The following BASP1 variants were observed in gnomAD, a reference collection of about 807,000 sequenced individuals.
BASP1 encodes brain abundant membrane attached signal protein 1.
A neutral mutation model predicts 2.2 loss-of-function variants in BASP1; 1 was observed. That is an observed-to-expected ratio of 0.46 (90% confidence interval 0.16 to 2.17). The LOEUF (loss-of-function observed/expected upper bound fraction) is 2.17. BASP1 is among the 30% of genes most tolerant of loss of function. BASP1 has a pLI of 0.27. For synonymous variants in BASP1, 187 were observed against 154.2 expected, an observed-to-expected ratio of 1.21 and a Z score of -1.58; for missense variants, 352 against 327.2, an observed-to-expected ratio of 1.08 and a Z score of -0.58.
intron 1 of BASP1, among the ~76,000 whole-genome samples, chr5:17,270,064 G>A (rs565168651): frequency 2.0e-5 from 3 of 152,210 alleles, no homozygotes; most frequent in African/African-American, 7.2e-5. Context: ...GCAATTGTGC[G>A]ATCTCGGCTC....
At chr5:17,256,282 G>C (rs867059504) in intron 1 of BASP1, among the ~76,000 whole-genome samples, 4 of 152,190 alleles carry the variant, frequency 2.6e-5, no homozygotes, top group Non-Finnish European at 2.9e-5. Context: ...TGTTAAAATT[G>C]TTTAAGGCCA....
intron 1 of BASP1, among the ~76,000 whole-genome samples, chr5:17,270,650 C>G (rs1160340565): frequency 6.6e-6 from 1 of 152,124 alleles, no homozygotes; most frequent in African/African-American, 2.4e-5. Flanking sequence ...CTTCAGATTC[C>G]TGATTCTAGA....
At chr5:17,266,174 G>A (rs1301369680) in intron 1 of BASP1, among the ~76,000 whole-genome samples, 1 of 152,198 alleles carries the variant, frequency 6.6e-6, no homozygotes, top group Non-Finnish European at 1.5e-5. Context: ...TTTCACCCTG[G>A]TGTGTCTCTG....
At chr5:17,223,135 A>G (rs947137597) in intron 1 of BASP1, among the ~76,000 whole-genome samples, 1 of 151,852 alleles carries the variant, frequency 6.6e-6, no homozygotes, top group African/African-American at 2.4e-5. Flanking sequence ...TGTAGGGAGT[A>G]TAATATTTAG....
At chr5:17,220,609 T>C (rs1465362673) in intron 1 of BASP1, among the ~76,000 whole-genome samples, 1 of 152,322 alleles carries the variant, frequency 6.6e-6, no homozygotes, top group East Asian at 1.9e-4. Flanking sequence ...CAGTGGCATT[T>C]CTGTTCTTTA....
At chr5:17,233,810 T>TATCATATCATATCATATCAA (rs1739683555) in intron 1 of BASP1, among the ~76,000 whole-genome samples, 1 of 151,856 alleles carries the variant, frequency 6.6e-6, no homozygotes, top group Admixed American at 6.6e-5. Flanking sequence ...CTAGTGATGG[T>TATCATATCATATCATATCAA]GATGGTGTCA....
intron 1 of BASP1, among the ~76,000 whole-genome samples, chr5:17,274,830 A>G (rs1159809188): frequency 6.6e-6 from 1 of 152,196 alleles, no homozygotes; most frequent in East Asian, 1.9e-4. Context: ...TCTTTTTAAA[A>G]TTTTTAACTT....
In BASP1 at chr5:17,233,867, G is replaced by A. The variant is rs1226468863; in HGVS notation, c.-10+16057G>A. Among the ~76,000 whole-genome samples the A allele has an allele frequency of 2.6e-5, 4 of 151,866 alleles. No homozygotes were observed. The South Asian group carries it at 6.2e-4, about 24-fold the overall frequency. Reference sequence around the variant, plus strand: ...ATACAGGCCGGGCGCAGTGGCTCACGCCTGTAATGCCAGCACTTTGGGAGG... The same window carrying A: ...ATACAGGCCGGGCGCAGTGGCTCACACCTGTAATGCCAGCACTTTGGGAGG... On this transcript the variant is annotated intron_variant, in intron 1 of 1. Transcript: ENST00000322611.
At chr5:17,249,258 C>T (rs1179622635) in intron 1 of BASP1, among the ~76,000 whole-genome samples, 8 of 152,054 alleles carry the variant, frequency 5.3e-5, no homozygotes, top group Non-Finnish European at 1.2e-4. Context: ...TGTGAGTCTT[C>T]CTGCAGCCTT....
At chr5:17,246,856 A>T (rs563643941) in intron 1 of BASP1, among the ~76,000 whole-genome samples, 63 of 152,314 alleles carry the variant, frequency 4.1e-4, no homozygotes, top group African/African-American at 1.4e-3. Context: ...ACCATTGAGA[A>T]TCACCCTGCC....
intron 1 of BASP1, among the ~76,000 whole-genome samples, chr5:17,229,509 C>A (rs1739577901): frequency 1.3e-5 from 2 of 152,102 alleles, no homozygotes; most frequent in African/African-American, 4.8e-5. Flanking sequence ...TGTTCTAGGT[C>A]AGCAGTCAAT....
chr5:17,275,478 G>A lies in BASP1; in HGVS notation c.262G>A (p.Glu88Lys), dbSNP rs1740624796. Residue 88 changes from glutamate (E) to lysine (K), a missense_variant, in exon 2 of 2, where the codon GAG (glutamate) becomes AAG (lysine). Physicochemically the swap from Glu to Lys is moderately conservative, Grantham distance 56. Coordinates refer to ENST00000322611, the MANE Select transcript of BASP1 (RefSeq NM_006317.5). The surrounding 1 kb of genome is among the most constrained non-coding windows in gnomAD (Gnocchi z 5.3). ...AKEEAPKAEP[E>K]KTEGAAEAKA... is the part of the protein sequence containing the mutation. Reference sequence around the variant, plus strand: ...GGAGGAGGCCCCGAAGGCGGAGCCCGAGAAGACGGAGGGCGCGGCAGAGGC... The same window carrying A: ...GGAGGAGGCCCCGAAGGCGGAGCCCAAGAAGACGGAGGGCGCGGCAGAGGC... 1 of 1,489,210 alleles carries A rather than the reference G, an allele frequency of 6.7e-7. No individual in the cohort carries two copies. Among genetic ancestry groups the A allele is most frequent in the Non-Finnish European group, 8.9e-7 (1 of 1,121,928 alleles). 92.2% of individuals were successfully genotyped at this position (1,489,210 alleles called of 1,614,324 possible). A position where few individuals can be genotyped will look rare whatever the true frequency, so the allele number is the denominator to read the frequency against.
chr5:17,246,209 C>A lies in BASP1; in HGVS notation c.-10+28399C>A, dbSNP rs149493308. Among the ~76,000 whole-genome samples, 420 of 152,046 alleles carry A rather than the reference C, an allele frequency of 2.8e-3. 9 individuals carry two copies. The East Asian group carries it at 0.053, about 19-fold the overall frequency. On this transcript the variant is annotated intron_variant, in intron 1 of 1. Coordinates refer to ENST00000322611, the MANE Select transcript of BASP1 (RefSeq NM_006317.5). ...GTAAAATAAAAGACCTGGCCGGGCG[C>A]GGTGGCTCACGCCTGTAATCCCAGC...
At chr5:17,225,126 C>T (rs1014482523) in intron 1 of BASP1, among the ~76,000 whole-genome samples, 2 of 152,152 alleles carry the variant, frequency 1.3e-5, no homozygotes, top group Non-Finnish European at 2.9e-5. Flanking sequence ...GCGTGGAAAC[C>T]CAGGTTATTT....
chr5:17,235,280 A>T lies in BASP1; in HGVS notation c.-10+17470A>T, dbSNP rs1172578677. 3.9e-5 allele frequency among the ~76,000 whole-genome samples: 5 copies of T among 129,130 alleles called. No homozygotes were observed. The South Asian group carries it at 1.2e-3, about 32-fold the overall frequency. 84.7% of individuals were successfully genotyped at this position (129,130 alleles called of 152,430 possible). A position where few individuals can be genotyped will look rare whatever the true frequency, so the allele number is the denominator to read the frequency against. ...TATGTTTTTCTTTTTTTTTTTTTTG[A>T]GACTGAGTCTCACTCTGTCACCCAG... is the stretch of plus-strand genomic sequence containing the variant. On this transcript the variant is annotated intron_variant, in intron 1 of 1. Transcript: ENST00000322611.
At chr5:17,243,980 T>A (rs983138970) in intron 1 of BASP1, among the ~76,000 whole-genome samples, 2 of 152,256 alleles carry the variant, frequency 1.3e-5, no homozygotes, top group African/African-American at 4.8e-5. Flanking sequence ...AGATAATTTT[T>A]TTGCAAATAT....
chr5:17,261,957 G>A (rs537363696), intron 1 of BASP1, among the ~76,000 whole-genome samples: 14 of 152,264 alleles, frequency 9.2e-5, no homozygotes, highest in Admixed American at 5.2e-4. Flanking sequence ...TCTAGGGTCC[G>A]TTGTTGACAG....
At position 17,232,764 on chromosome 5, in the gene BASP1, A is replaced by C. The variant is rs77677503; in HGVS notation, c.-10+14954A>C. ...GGAGGTGGGGCACAACTAAGACATCATTTGTGATTTACTCCCCCTCCTCTT... is the reference window on the plus strand; with the variant it reads ...GGAGGTGGGGCACAACTAAGACATCCTTTGTGATTTACTCCCCCTCCTCTT... On this transcript the variant is annotated intron_variant, in intron 1 of 1. Transcript: ENST00000322611. Among the ~76,000 whole-genome samples, 6 of 151,896 alleles carry C rather than the reference A, an allele frequency of 4.0e-5. No individual in the cohort carries two copies. In the East Asian group the frequency reaches 1.2e-3, roughly 29 times the overall value.
chr5:17,250,441 A>G (rs982141716), intron 1 of BASP1, among the ~76,000 whole-genome samples: 3 of 152,170 alleles, frequency 2.0e-5, no homozygotes, highest in African/African-American at 7.2e-5. Context: ...CAGCATCAAT[A>G]TATAATTTAT....
Sources: gnomAD v4.1 joint callset for allele counts (sites outside exome capture counted in the v4.1 genomes callset) on GRCh38, gnomAD v4.1.1 for gene constraint, Gnocchi (gnomAD v3.1) non-coding constraint, MANE v1.5 for transcripts, NCBI Gene and HGNC (gene_info 2026-07-23, HGNC 2026-07-21) for gene names.